The following PITPNM3 variants were observed in gnomAD, a reference collection of about 807,000 sequenced individuals.
PITPNM3 encodes membrane-associated phosphatidylinositol transfer protein 3.
In PITPNM3, 26 loss-of-function variants were observed where a neutral mutation model predicts 102.0. The observed-to-expected ratio is 0.25, with a 90% CI of 0.19 to 0.35. PITPNM3 has a LOEUF of 0.35. Ranked by LOEUF, PITPNM3 falls within the 10% of genes least tolerant of loss-of-function variation. The probability of loss-of-function intolerance (pLI) is 1.00; values close to 1 mark genes in which losing one functional copy is unlikely to be tolerated. For synonymous variants in PITPNM3, 578 were observed against 558.6 expected (o/e 1.03, Z -0.49); for missense variants, 1,083 against 1,346.1 (o/e 0.80, Z 3.06).
chr17:6,551,068 T>C (rs1386177956), intron 1 of PITPNM3, among the ~76,000 whole-genome samples: 1 of 152,200 alleles, frequency 6.6e-6, no homozygotes, highest in African/African-American at 2.4e-5. Flanking sequence ...TTGAAAAGCC[T>C]GGAGTCTGGC....
chr17:6,524,647 C>G (rs1391851791), intron 3 of PITPNM3, among the ~76,000 whole-genome samples: 1 of 152,162 alleles, frequency 6.6e-6, no homozygotes, highest in South Asian at 2.1e-4. Context: ...GAGCTAACAC[C>G]CTCAGCTTAA....
intron 1 of PITPNM3, among the ~76,000 whole-genome samples, chr17:6,552,948 T>G (rs558849068): frequency 1.3e-5 from 2 of 152,080 alleles, no homozygotes; most frequent in East Asian, 3.9e-4. Context: ...GTTTTTGTAT[T>G]TTTAGTAGAG....
At position 6,482,066 on chromosome 17, in the gene PITPNM3, G is replaced by GTC. The variant is rs146498369; in HGVS notation, c.587+1449_587+1450dup. 8.6e-3 allele frequency among the ~76,000 whole-genome samples: 410 copies of GTC among 47,840 alleles called. 18 individuals are homozygous for GTC. The highest frequency in any genetic ancestry group is 0.077 in the Admixed American group (327 of 4,254). 31.4% of individuals were successfully genotyped at this position (47,840 alleles called of 152,430 possible). On this transcript the variant is annotated intron_variant, in intron 6 of 19. Transcript: ENST00000262483. ...TCTCTCTCTCTCTCTCTCTCTCTCT[G>GTC]TCTCTCTCTCTCTCTCTCTCTGACA...
chr17:6,490,273 A>G (rs1906377172), intron 4 of PITPNM3, among the ~76,000 whole-genome samples: 1 of 152,122 alleles, frequency 6.6e-6, no homozygotes, highest in Admixed American at 6.5e-5. Flanking sequence ...CAGGCCCTGG[A>G]TAGAGTCCTC....
intron 18 of PITPNM3, chr17:6,461,100 T>C (rs889683222): frequency 9.4e-6 from 5 of 533,444 alleles, no homozygotes; most frequent in African/African-American, 3.8e-5. Flanking sequence ...ATTGGATGAA[T>C]GGCCAGATGT....
intron 4 of PITPNM3, among the ~76,000 whole-genome samples, chr17:6,496,543 C>T (rs929533355): frequency 2.6e-5 from 4 of 152,124 alleles, no homozygotes; most frequent in Admixed American, 6.5e-5. Flanking sequence ...TCCACAAAAG[C>T]GCCACGGTCC....
chr17:6,551,192 C>T (rs982065518), intron 1 of PITPNM3, among the ~76,000 whole-genome samples: 3 of 152,020 alleles, frequency 2.0e-5, no homozygotes, highest in Admixed American at 6.5e-5. Flanking sequence ...CCCGTGTCTA[C>T]TAAAAATACA....
intron 1 of PITPNM3, among the ~76,000 whole-genome samples, chr17:6,542,045 C>T (rs543192765): frequency 2.6e-5 from 4 of 152,280 alleles, no homozygotes; most frequent in South Asian, 2.1e-4. Context: ...GAGATCAGGG[C>T]GGGGGACCTC....
chr17:6,537,269 T>A lies in PITPNM3; in HGVS notation c.118+718A>T, dbSNP rs1333881067. On this transcript the variant is annotated intron_variant, in intron 2 of 19. Transcript: ENST00000262483. The surrounding 1 kb of genome is among the most constrained non-coding windows in gnomAD (Gnocchi z 4.4). ...TATTTTTTCTTTCTTTTTTTTTTTTTTTTTTCTGAGACAGAGTATCGCTCT... is the reference window on the plus strand; with the variant it reads ...TATTTTTTCTTTCTTTTTTTTTTTTATTTTTCTGAGACAGAGTATCGCTCT... Among the ~76,000 whole-genome samples, 1 of 147,994 alleles carries A rather than the reference T, an allele frequency of 6.8e-6. No individual in the cohort carries two copies. Among genetic ancestry groups the A allele is most frequent in the Non-Finnish European group, 1.5e-5 (1 of 67,198 alleles).
At chr17:6,533,608 C>T (rs1161433826) in intron 2 of PITPNM3, among the ~76,000 whole-genome samples, 1 of 152,010 alleles carries the variant, frequency 6.6e-6, no homozygotes, top group Non-Finnish European at 1.5e-5. Context: ...GTGTGTGTCA[C>T]CATGCCCAGC....
chr17:6,509,109 A>G (rs1907717806), intron 3 of PITPNM3, among the ~76,000 whole-genome samples: 1 of 152,176 alleles, frequency 6.6e-6, no homozygotes, highest in African/African-American at 2.4e-5. Context: ...GAGTTTTGTC[A>G]TGCACCCCAG....
intron 1 of PITPNM3, among the ~76,000 whole-genome samples, chr17:6,541,897 C>T (rs537499022): frequency 5.6e-4 from 85 of 152,326 alleles, no homozygotes; most frequent in Non-Finnish European, 5.6e-4. Flanking sequence ...GCATGCCAGG[C>T]AGTCTGCTAG....
chr17:6,545,383 G>C (rs1909967882), intron 1 of PITPNM3, among the ~76,000 whole-genome samples: 2 of 152,108 alleles, frequency 1.3e-5, no homozygotes, highest in Admixed American at 1.3e-4. Context: ...CGGGCCCCTG[G>C]AATGGGAGCC....
intron 5 of PITPNM3, 100 bp downstream of exon 5, chr17:6,484,116 C>G: frequency 7.5e-7 from 1 of 1,326,642 alleles, no homozygotes; most frequent in Non-Finnish European, 1.1e-6. Flanking sequence ...GCAAGTCAGA[C>G]GAAGAGCTGG....
chr17:6,531,094 C>A (rs1909121529), intron 2 of PITPNM3, among the ~76,000 whole-genome samples: 1 of 152,206 alleles, frequency 6.6e-6, no homozygotes, highest in Non-Finnish European at 1.5e-5. Flanking sequence ...TCTGTTTGTA[C>A]CTAGATGTTT....
intron 4 of PITPNM3, among the ~76,000 whole-genome samples, chr17:6,497,255 G>T (rs563901298): frequency 1.3e-5 from 2 of 152,314 alleles, no homozygotes; most frequent in East Asian, 3.9e-4. Flanking sequence ...GGGGCTGAGG[G>T]TATGTGGGAA....
At chr17:6,509,129 C>G (rs979684873) in intron 3 of PITPNM3, among the ~76,000 whole-genome samples, 1 of 152,148 alleles carries the variant, frequency 6.6e-6, no homozygotes, top group Non-Finnish European at 1.5e-5. Context: ...GGCTCTGGGC[C>G]CCACCAATCT....
At chr17:6,506,621 C>T (rs1313328319) in intron 3 of PITPNM3, among the ~76,000 whole-genome samples, 3 of 152,182 alleles carry the variant, frequency 2.0e-5, no homozygotes, top group South Asian at 2.1e-4. Flanking sequence ...CTGCCCACCT[C>T]GGCCTCCCAA....
intron 4 of PITPNM3, among the ~76,000 whole-genome samples, chr17:6,490,520 A>C (rs1906393382): frequency 6.6e-6 from 1 of 152,190 alleles, no homozygotes. Flanking sequence ...GCTATGGAGA[A>C]AGGAAGAGCA....
Sources: gnomAD v4.1 joint callset for allele counts (sites outside exome capture counted in the v4.1 genomes callset) on GRCh38, gnomAD v4.1.1 for gene constraint, Gnocchi (gnomAD v3.1) non-coding constraint, MANE v1.5 for transcripts, NCBI Gene and HGNC (gene_info 2026-07-23, HGNC 2026-07-21) for gene names.